Variants in TNRC18 observed in about 807,000 individuals in gnomAD.
TNRC18 encodes trinucleotide repeat containing 18.
Under a neutral mutation model 226.7 loss-of-function variants are expected in TNRC18, and 69 were observed. The observed-to-expected ratio is 0.30, with a 90% CI of 0.25 to 0.37. The LOEUF (loss-of-function observed/expected upper bound fraction) is 0.37. Among genes scored for constraint, TNRC18 ranks in the 10% least tolerant of loss-of-function variants. The pLI is 1.00. For missense variants in TNRC18, 4,754 were observed against 4,256.6 expected, an observed-to-expected ratio of 1.12 and a Z score of -3.25; for synonymous variants, 2,449 against 1,927.6, an observed-to-expected ratio of 1.27 and a Z score of -7.09.
At position 5,410,006 on chromosome 7, in the gene TNRC18, T is replaced by A. The variant is rs530605509; in HGVS notation, c.187+11054A>T. Among the ~76,000 whole-genome samples the A allele has an allele frequency of 3.8e-3, 530 of 140,612 alleles. 6 individuals carry two copies. Among genetic ancestry groups the A allele is most frequent in the African/African-American group, 0.011 (436 of 37,992 alleles). 92.2% of individuals were successfully genotyped at this position (140,612 alleles called of 152,430 possible). On this transcript the variant is annotated intron_variant, in intron 2 of 29. Transcript: ENST00000430969. Reference sequence around the variant, plus strand: ...ACTACGTCTCAAAAAAAAAAAAAAATTTTTTTTTAAATTCAATGATCAGAT... The same window carrying A: ...ACTACGTCTCAAAAAAAAAAAAAAAATTTTTTTTAAATTCAATGATCAGAT...
At position 5,348,720 on chromosome 7, in the gene TNRC18, A is replaced by T. The variant is rs1791467123; in HGVS notation, c.5471-2910T>A. Reference sequence around the variant, plus strand: ...AGGTTTGTTAAGAGGGTGAGAGGGGAGACTGGCCCCCGGAGCAATGGATGA... The same window carrying T: ...AGGTTTGTTAAGAGGGTGAGAGGGGTGACTGGCCCCCGGAGCAATGGATGA... On this transcript the variant is annotated intron_variant, in intron 17 of 29. Transcript: ENST00000430969. Among the ~76,000 whole-genome samples, 3 of 151,818 alleles carry T rather than the reference A, an allele frequency of 2.0e-5. No individual in the cohort carries two copies. The South Asian group carries it at 6.3e-4, about 32-fold the overall frequency.
chr7:5,394,107 G>A lies in TNRC18; in HGVS notation c.343+333C>T, dbSNP rs74377756. On this transcript the variant is annotated intron_variant, in intron 3 of 29. Coordinates refer to ENST00000430969, the MANE Select transcript of TNRC18 (RefSeq NM_001080495.3). The surrounding 1 kb of genome is among the most constrained non-coding windows in gnomAD (Gnocchi z 4.5). ...TCAGGGCTCACTCCGGTGGGAAAGCGGGTAGTTCATGAATGATGAGATAAT... is the reference window on the plus strand; with the variant it reads ...TCAGGGCTCACTCCGGTGGGAAAGCAGGTAGTTCATGAATGATGAGATAAT... 1.2e-4 allele frequency among the ~76,000 whole-genome samples: 18 copies of A among 152,184 alleles called. No homozygotes were observed. The East Asian group carries it at 2.3e-3, about 20-fold the overall frequency.
In TNRC18 at chr7:5,394,452, G is replaced by A; in HGVS notation, c.331C>T (p.His111Tyr). The change falls in exon 3 of 30, where the codon CAC (histidine) becomes TAC (tyrosine). Residue 111 changes from histidine (H) to tyrosine (Y), a missense_variant. Physicochemically the swap from His to Tyr is moderately conservative, Grantham distance 83. Transcript: ENST00000430969. This position sits in a 1 kb window ranked among gnomAD's most constrained non-coding sequence, Gnocchi z 4.5. ...GCATGTTCCTTACCTTCATGGGCGT[G>A]GGCGGCCCACAGCTGCACCATGGGC... ...NLPMVQLWAA[H>Y]AHEGFSHLPS... The A allele has an allele frequency of 6.5e-7, 1 of 1,547,864 alleles. No homozygotes were observed. Among genetic ancestry groups the A allele is most frequent in the East Asian group, 2.5e-5 (1 of 40,388 alleles).
At chr7:5,352,398 G>A (rs774928314) in intron 16 of TNRC18, among the ~76,000 whole-genome samples, 63 of 152,258 alleles carry the variant, frequency 4.1e-4, no homozygotes, top group Non-Finnish European at 6.3e-4. Context: ...TCCGGGCACC[G>A]GAGGATGAGA....
rs1377824979 is a variant in TNRC18 at position 5,307,265 on chromosome 7, TTA to T, written c.*839_*840del. The T allele has an allele frequency of 6.7e-6, 1 of 149,000 alleles. No individual in the cohort carries two copies. Among genetic ancestry groups the T allele is most frequent in the Non-Finnish European group, 1.5e-5 (1 of 67,360 alleles). 9.2% of individuals were successfully genotyped at this position (149,000 alleles called of 1,614,324 possible). A position where few individuals can be genotyped will look rare whatever the true frequency, so the allele number is the denominator to read the frequency against. ...AGTTTTAAAAAGTTTATATATATAT[TTA>T]TATATATTTATCTTTATATATATAA... On this transcript the variant is annotated 3_prime_UTR_variant, in exon 30 of 30. Transcript: ENST00000430969.
intron 2 of TNRC18, among the ~76,000 whole-genome samples, chr7:5,405,338 G>T (rs539062133): frequency 6.6e-6 from 1 of 152,290 alleles, no homozygotes; most frequent in African/African-American, 2.4e-5. Flanking sequence ...GGAGGCTGAG[G>T]CGAGTGGATC....
At chr7:5,410,795 A>G (rs1396531421) in intron 2 of TNRC18, among the ~76,000 whole-genome samples, 1 of 129,660 alleles carries the variant, frequency 7.7e-6, no homozygotes, top group Non-Finnish European at 1.6e-5. Flanking sequence ...CCCGTGGTGG[A>G]GGTTGCAGTG....
At chr7:5,337,258 C>T (rs2128131941) in intron 18 of TNRC18, among the ~76,000 whole-genome samples, 1 of 151,854 alleles carries the variant, frequency 6.6e-6, no homozygotes, top group South Asian at 2.1e-4. Context: ...ACTGTCAACC[C>T]AAAATTCTAT....
intron 5 of TNRC18, among the ~76,000 whole-genome samples, chr7:5,381,890 C>G (rs1286686639): frequency 6.6e-6 from 1 of 151,964 alleles, no homozygotes; most frequent in East Asian, 1.9e-4. Flanking sequence ...CACTTGAACC[C>G]GGGAGGCGGA....
At chr7:5,408,254 G>A (rs908615750) in intron 2 of TNRC18, among the ~76,000 whole-genome samples, 11 of 149,906 alleles carry the variant, frequency 7.3e-5, no homozygotes, top group Non-Finnish European at 1.2e-4. Context: ...AGCTGAGATC[G>A]TGCCACTGCA....
At position 5,419,392 on chromosome 7, in the gene TNRC18, G is replaced by C. The variant is rs568201931; in HGVS notation, c.187+1668C>G. Among the ~76,000 whole-genome samples, 1,253 of 152,292 alleles carry C rather than the reference G, an allele frequency of 8.2e-3. 11 individuals carry two copies. The highest frequency in any genetic ancestry group is 0.017 in the South Asian group (82 of 4,822). On this transcript the variant is annotated intron_variant, in intron 2 of 29. Transcript: ENST00000430969. ...AGCCAGCCAGAGAGACCCGGGTACCGATTCCCAGGCTTGGGGGGGGCCCCC... is the reference window on the plus strand; with the variant it reads ...AGCCAGCCAGAGAGACCCGGGTACCCATTCCCAGGCTTGGGGGGGGCCCCC...
Position 5,394,664 on chromosome 7 carries a change from C to T in TNRC18, c.188-69G>A, listed in dbSNP as rs1780544215. Reference sequence around the variant, plus strand: ...AGGCGCCGCCGCCCCAGCCCACCGCCCCGACCCACCGCCCCGAGACCGCCG... The same window carrying T: ...AGGCGCCGCCGCCCCAGCCCACCGCTCCGACCCACCGCCCCGAGACCGCCG... On this transcript the variant is annotated intron_variant, in intron 2 of 29. Transcript: ENST00000430969. The surrounding 1 kb of genome is among the most constrained non-coding windows in gnomAD (Gnocchi z 4.5). 2 of 1,238,874 alleles carry T rather than the reference C, an allele frequency of 1.6e-6. No individual in the cohort carries two copies. Among genetic ancestry groups the T allele is most frequent in the Admixed American group, 5.1e-5 (2 of 38,884 alleles). The allele number at this position is 1,238,874 out of a possible 1,614,324, so 76.7% of individuals were successfully genotyped here.
intron 5 of TNRC18, among the ~76,000 whole-genome samples, chr7:5,380,306 C>T (rs1197407794): frequency 6.6e-6 from 1 of 152,232 alleles, no homozygotes; most frequent in Non-Finnish European, 1.5e-5. Flanking sequence ...ATTAGCCAGG[C>T]ATGGTGTCAT....
chr7:5,362,193 G>A (rs557758669), intron 12 of TNRC18, among the ~76,000 whole-genome samples, 160 bp from the exon 13 acceptor site: 49 of 152,288 alleles, frequency 3.2e-4, no homozygotes, highest in African/African-American at 1.1e-3. Flanking sequence ...TGGCCTCATC[G>A]TATGCAAGGG....
chr7:5,393,354 G>A (rs1442562690), intron 3 of TNRC18, among the ~76,000 whole-genome samples: 2 of 152,350 alleles, frequency 1.3e-5, no homozygotes, highest in East Asian at 1.9e-4. Flanking sequence ...GAGCAGACTC[G>A]CTGACCTCAT....
intron 5 of TNRC18, among the ~76,000 whole-genome samples, chr7:5,380,399 T>C (rs1488489701): frequency 6.6e-6 from 1 of 152,152 alleles, no homozygotes; most frequent in Non-Finnish European, 1.5e-5. Flanking sequence ...TGAGCTGTGA[T>C]TACACCACCA....
intron 2 of TNRC18, chr7:5,420,162 C>G: frequency 8.9e-6 from 3 of 336,384 alleles, no homozygotes; most frequent in South Asian, 6.4e-5. Context: ...TCTCCCGCCC[C>G]GGCGCAGCGC....
chr7:5,350,102 G>A (rs1201506359), intron 17 of TNRC18, among the ~76,000 whole-genome samples: 1 of 152,112 alleles, frequency 6.6e-6, no homozygotes, highest in Non-Finnish European at 1.5e-5. Flanking sequence ...GGGGGCGTGG[G>A]GTCCAGCCCA....
Position 5,356,979 on chromosome 7 carries a change from C to T in TNRC18, c.5131G>A (p.Ala1711Thr), listed in dbSNP as rs1013728791. The T allele has an allele frequency of 1.9e-5, 30 of 1,552,042 alleles. No homozygotes were observed. The Admixed American group carries it at 5.5e-4, about 28-fold the overall frequency. The change falls in exon 16 of 30, where the codon GCC (alanine) becomes ACC (threonine). Residue 1711 changes from alanine to threonine, a missense_variant. Physicochemically the swap from Ala to Thr is moderately conservative, Grantham distance 58 (BLOSUM62 0). Coordinates refer to ENST00000430969, the MANE Select transcript of TNRC18 (RefSeq NM_001080495.3). Reference protein sequence around the residue: ...KTRKMEVGFKARGQPKSAHSP... With the variant: ...KTRKMEVGFKTRGQPKSAHSP... ...TGGGCCGACTTGGGCTGGCCTCTGGCCTTGAACCCCACCTCCATCTTCCTG... is the reference window on the plus strand; with the variant it reads ...TGGGCCGACTTGGGCTGGCCTCTGGTCTTGAACCCCACCTCCATCTTCCTG...
Sources: allele counts gnomAD v4.1 joint callset (sites outside exome capture counted in the v4.1 genomes callset), GRCh38; gene constraint gnomAD v4.1.1; non-coding constraint Gnocchi (gnomAD v3.1); transcripts MANE v1.5; gene names NCBI Gene and HGNC (gene_info 2026-07-23, HGNC 2026-07-21).